The following PBLD variants were observed in gnomAD, a reference collection of about 807,000 sequenced individuals.
PBLD encodes the protein phenazine biosynthesis-like domain-containing protein.
PBLD carries 26 observed loss-of-function variants against 31.3 expected under a neutral mutation model. That is an observed-to-expected ratio of 0.83 (90% CI 0.61 to 1.15). The LOEUF is 1.15. Among genes scored for constraint, PBLD ranks in the 50% most tolerant of loss-of-function variants. The probability of loss-of-function intolerance (pLI) is 0.00; values close to 1 mark genes in which losing one functional copy is unlikely to be tolerated. For synonymous variants in PBLD, 114 were observed against 129.0 expected, an observed-to-expected ratio of 0.88 and a Z score of 0.79; for missense variants, 307 against 351.7, an observed-to-expected ratio of 0.87 and a Z score of 1.02.
At chr10:68,307,013 A>G (rs1490460156) in intron 1 of PBLD, 110 bp from the exon 2 acceptor site, 1 of 542,040 alleles carries the variant, frequency 1.8e-6, no homozygotes, top group Non-Finnish European at 3.3e-6. Flanking sequence ...ACATTTAAAG[A>G]TATATAATCC....
In PBLD at chr10:68,284,140, G is replaced by T. The variant is rs1345937882; in HGVS notation, c.*37C>A. ...ATTTCTTTTTAAGCAGAAAATACTT[G>T]GTGGTTAGAGACAGCAGCGTCACAG... On this transcript the variant is annotated 3_prime_UTR_variant, in exon 10 of 10. Transcript: ENST00000358769. 4 of 1,531,450 alleles carry T rather than the reference G, an allele frequency of 2.6e-6. No individual in the cohort carries two copies. Among genetic ancestry groups the T allele is most frequent in the African/African-American group, 1.4e-5 (1 of 72,738 alleles). 94.9% of individuals were successfully genotyped at this position (1,531,450 alleles called of 1,614,324 possible). A position where few individuals can be genotyped will look rare whatever the true frequency, so the allele number is the denominator to read the frequency against.
chr10:68,287,150 C>T (rs2044299489), intron 8 of PBLD: 1 of 150,598 alleles, frequency 6.6e-6, no homozygotes, highest in Non-Finnish European at 1.5e-5. Context: ...TCAAGTAAGG[C>T]AACCAACCAT....
At position 68,292,160 on chromosome 10, in the gene PBLD, A is replaced by G. The variant is rs754091266; in HGVS notation, c.362T>C (p.Leu121Pro). The change falls in exon 5 of 10, where the codon CTG (leucine) becomes CCG (proline). Residue 121 changes from leucine (L) to proline (P), a missense_variant. Transcript: ENST00000358769. ...RARRAEDGIVLDLPLYPAHPQ... is the reference protein window; with the variant it reads ...RARRAEDGIVPDLPLYPAHPQ... The stretch of plus-strand genomic sequence containing the variant: ...GTGGGCTGGATAAAGAGGCAAGTCC[A>G]GGACGATGCCATCCTCTGCTCGTCT... 5 of 1,614,074 alleles carry G rather than the reference A, an allele frequency of 3.1e-6. No individual in the cohort carries two copies. Among genetic ancestry groups the G allele is most frequent in the Non-Finnish European group, 2.5e-6 (3 of 1,180,008 alleles).
chr10:68,323,335 G>A (rs1478378197), intron 1 of PBLD, among the ~76,000 whole-genome samples: 1 of 152,090 alleles, frequency 6.6e-6, no homozygotes, highest in Non-Finnish European at 1.5e-5. Flanking sequence ...GCCAAAGTGG[G>A]TGGATCACAT....
chr10:68,285,452 CAG>C (rs1783005024), intron 8 of PBLD, 42 bp from the exon 9 acceptor site: 3 of 1,557,722 alleles, frequency 1.9e-6, no homozygotes, highest in African/African-American at 1.4e-5. Context: ...CCCAAGAAAA[CAG>C]AGGCGATTTT....
At chr10:68,293,297 G>T (rs753143554) in intron 4 of PBLD, among the ~76,000 whole-genome samples, 1 of 152,174 alleles carries the variant, frequency 6.6e-6, no homozygotes, top group Non-Finnish European at 1.5e-5. Context: ...AATAAATTTG[G>T]TTTATCCTAA....
At chr10:68,303,716 G>A (rs1031006583) in intron 2 of PBLD, among the ~76,000 whole-genome samples, 2 of 151,900 alleles carry the variant, frequency 1.3e-5, no homozygotes, top group African/African-American at 4.8e-5. Context: ...TTTATCAAGT[G>A]TTCAAAAAGC....
At chr10:68,288,201 CTT>C (rs1266475239) in intron 8 of PBLD, 1 of 431,680 alleles carries the variant, frequency 2.3e-6, no homozygotes, top group East Asian at 4.2e-5. Context: ...GGAACTGAGA[CTT>C]TTAAAAGTCA....
rs1286103729 is a variant in PBLD at position 68,283,139 on chromosome 10, C to T, written c.*1038G>A. 6.6e-6 allele frequency: 1 copy of T among 151,684 alleles called. No individual in the cohort carries two copies. Among genetic ancestry groups the T allele is most frequent in the African/African-American group, 2.4e-5 (1 of 41,236 alleles). The allele number at this position is 151,684 out of a possible 1,614,324, so 9.4% of individuals were successfully genotyped here. A position where few individuals can be genotyped will look rare whatever the true frequency, so the allele number is the denominator to read the frequency against. ...GTTCAAGTGATCCTCCTGCCTTGTC[C>T]TGCCAAAGTGCTGGGATTACAGGCA... On this transcript the variant is annotated 3_prime_UTR_variant, in exon 10 of 10. Coordinates refer to ENST00000358769, the MANE Select transcript of PBLD (RefSeq NM_022129.4).
Position 68,292,222 on chromosome 10 carries a change from C to T in PBLD, c.300G>A (p.Thr100=), listed in dbSNP as rs757701012. 16 of 1,613,188 alleles carry T rather than the reference C, an allele frequency of 9.9e-6. No homozygotes were observed. Among genetic ancestry groups the T allele is most frequent in the Middle Eastern group, 1.6e-4 (1 of 6,084 alleles). The change falls in exon 5 of 10, where the codon ACG becomes ACA. Residue 100 remains threonine (T), a synonymous_variant. Transcript: ENST00000358769. ...CTCCACTCAGAGTGACAAACGTGAG[C>T]GTGCTATTCATGTTTTCTGGCCAAA... ...LFHKIKNMNS[T]LTFVTLSGEL...
intron 1 of PBLD, among the ~76,000 whole-genome samples, chr10:68,319,800 T>A (rs755045818): frequency 3.7e-4 from 56 of 151,196 alleles, no homozygotes; most frequent in Non-Finnish European, 6.6e-4. Context: ...AATTTTTATT[T>A]TTTATTTATT....
chr10:68,312,020 C>T (rs2134498097), intron 1 of PBLD, among the ~76,000 whole-genome samples: 1 of 152,304 alleles, frequency 6.6e-6, no homozygotes, highest in Admixed American at 6.5e-5. Flanking sequence ...TTCCCACCAC[C>T]ATAAAGTCAA....
intron 2 of PBLD, 123 bp from the exon 3 acceptor site, chr10:68,297,108 A>G (rs929897674): frequency 6.4e-5 from 49 of 768,104 alleles, no homozygotes; most frequent in Admixed American, 3.0e-4. Context: ...TTAAAAGGAA[A>G]TAATTACCAA....
At chr10:68,296,764 G>T in intron 3 of PBLD, 122 bp downstream of exon 3, 1 of 832,440 alleles carries the variant, frequency 1.2e-6, no homozygotes. Context: ...AGCACTTCGG[G>T]AGGCTGAGGC....
intron 1 of PBLD, among the ~76,000 whole-genome samples, chr10:68,322,450 C>T (rs2044849673): frequency 6.6e-6 from 1 of 150,638 alleles, no homozygotes. Context: ...CACTGGAGCC[C>T]AGGAATTCAA....
intron 1 of PBLD, among the ~76,000 whole-genome samples, chr10:68,316,575 G>A (rs926631689): frequency 2.0e-5 from 3 of 152,100 alleles, no homozygotes; most frequent in Non-Finnish European, 2.9e-5. Flanking sequence ...GAAATTACTC[G>A]AAGAAATAAA....
Position 68,306,891 on chromosome 10 carries a change from T to C in PBLD, c.-47A>G. The C allele has an allele frequency of 6.9e-7, 1 of 1,441,272 alleles. No individual in the cohort carries two copies. Among genetic ancestry groups the C allele is most frequent in the Non-Finnish European group, 9.7e-7 (1 of 1,029,902 alleles). The allele number at this position is 1,441,272 out of a possible 1,614,324, so 89.3% of individuals were successfully genotyped here. On this transcript the variant is annotated 5_prime_UTR_variant, in exon 2 of 10. Transcript: ENST00000358769. ...CAAGTTCTCAAAATTGCTGGTAGCC[T>C]GCTTTACGTCTTCTTCTTGGAAAAG...
At chr10:68,303,793 CA>C (rs1353999768) in intron 2 of PBLD, among the ~76,000 whole-genome samples, 2 of 145,908 alleles carry the variant, frequency 1.4e-5, no homozygotes, top group Non-Finnish European at 3.0e-5. Flanking sequence ...TCATCCTGGT[CA>C]AATTTTGAAT....
chr10:68,298,300 A>G (rs1285147605), intron 2 of PBLD, among the ~76,000 whole-genome samples: 3 of 152,066 alleles, frequency 2.0e-5, no homozygotes, highest in Non-Finnish European at 4.4e-5. Flanking sequence ...GGGCTTTGCA[A>G]ATGTGGACAA....
Sources: allele counts gnomAD v4.1 joint callset (sites outside exome capture counted in the v4.1 genomes callset), GRCh38; gene constraint gnomAD v4.1.1; transcripts MANE v1.5; gene names NCBI Gene and HGNC (gene_info 2026-07-23, HGNC 2026-07-21).